Variants in COL14A1 observed in about 807,000 individuals in gnomAD.
COL14A1 encodes the protein collagen alpha-1(XIV) chain.
Under a neutral mutation model 230.3 loss-of-function variants are expected in COL14A1, and 136 were observed. The observed-to-expected ratio is 0.59, with a 90% CI of 0.51 to 0.68. The LOEUF is 0.68. Among genes scored for constraint, COL14A1 ranks in the 30% least tolerant of loss-of-function variants. The pLI, the probability that COL14A1 is intolerant of heterozygous loss-of-function variation, is 0.00. For synonymous variants in COL14A1, 792 were observed against 784.1 expected (o/e 1.01, Z -0.17); for missense variants, 1,976 against 2,215.8 (o/e 0.89, Z 2.17).
rs1247947725 is a variant in COL14A1, at chr8:120,193,304, A to T, written c.437-3487A>T. On this transcript the variant is annotated intron_variant, in intron 5 of 47. Coordinates refer to ENST00000297848, the MANE Select transcript of COL14A1 (RefSeq NM_021110.4). ...CTGCAGGTCTGTTGGAGTTTGCTAG[A>T]GGTCCACTCCAGACCCTGTTTGCCT... Among the ~76,000 whole-genome samples the T allele has an allele frequency of 2.6e-5, 4 of 152,180 alleles. No individual in the cohort carries two copies. In the East Asian group the frequency reaches 5.8e-4, roughly 22 times the overall value.
chr8:120,233,692 C>T (rs898569196), intron 19 of COL14A1, among the ~76,000 whole-genome samples: 1 of 152,104 alleles, frequency 6.6e-6, no homozygotes, highest in African/African-American at 2.4e-5. Context: ...TGTTTTGGTA[C>T]CAATACCAAG....
intron 1 of COL14A1, among the ~76,000 whole-genome samples, chr8:120,133,230 T>TAAAAAAAAAAAAAAAAAA (rs201816439): frequency 8.7e-6 from 1 of 115,124 alleles, no homozygotes. Context: ...AAAAAAAAAA[T>TAAAAAAAAAAAAAAAAAA]AAAAAAAAAA....
Position 120,373,168 on chromosome 8 carries a change from A to G in COL14A1, c.*1937A>G, listed in dbSNP as rs539980566. Among the ~76,000 whole-genome samples the G allele has an allele frequency of 1.6e-3, 241 of 152,312 alleles. 1 individual carries two copies. Among genetic ancestry groups the G allele is most frequent in the African/African-American group, 5.6e-3 (233 of 41,572 alleles). ...TTGGCCCTTGGAAACAAAGTTAAAT[A>G]CCATGTCACTCAGAAGACTCTCAAA... On this transcript the variant is annotated 3_prime_UTR_variant, in exon 48 of 48. Transcript: ENST00000297848.
chr8:120,358,688 T>G (rs962739766), intron 45 of COL14A1, among the ~76,000 whole-genome samples: 4 of 151,974 alleles, frequency 2.6e-5, no homozygotes, highest in Admixed American at 2.6e-4. Flanking sequence ...AACTCCTTTT[T>G]TAAAAATGTA....
intron 4 of COL14A1, 26 bp downstream of exon 4, chr8:120,162,595 C>T (rs1815719293): frequency 1.3e-6 from 2 of 1,580,172 alleles, no homozygotes; most frequent in Non-Finnish European, 1.7e-6. Context: ...TCTCAAAGCA[C>T]CTCCGCAGGA....
At chr8:120,360,543 C>T (rs1440669263) in intron 45 of COL14A1, among the ~76,000 whole-genome samples, 2 of 152,188 alleles carry the variant, frequency 1.3e-5, no homozygotes, top group Non-Finnish European at 2.9e-5. Flanking sequence ...TGCCACCGTG[C>T]CCATCTGTCA....
chr8:120,171,186 A>T (rs1816082777), intron 5 of COL14A1, among the ~76,000 whole-genome samples: 1 of 152,166 alleles, frequency 6.6e-6, no homozygotes, highest in South Asian at 2.1e-4. Flanking sequence ...TTTCCCTATA[A>T]TACAGAATAT....
rs767221571 is a variant in COL14A1 at position 120,280,912 on chromosome 8, T to A, written c.3686-9T>A. On this transcript the variant is annotated splice_polypyrimidine_tract_variant and intron_variant, in intron 30 of 47. Coordinates refer to ENST00000297848, the MANE Select transcript of COL14A1 (RefSeq NM_021110.4). ...GTTTATTCTTTTTCTACTTTTTTTT[T>A]TTTTTTAGGATTTAAGATGATGGAA... 1 of 1,564,020 alleles carries A rather than the reference T, an allele frequency of 6.4e-7. No individual in the cohort carries two copies. The highest frequency in any genetic ancestry group is 1.4e-5 in the African/African-American group (1 of 71,922).
chr8:120,370,885 G>C (rs1292481950), intron 47 of COL14A1: 23 of 1,264,274 alleles, frequency 1.8e-5, no homozygotes, highest in African/African-American at 3.1e-5. Context: ...GAGTTTTCAG[G>C]GTTTCTTCTG....
At chr8:120,357,204 A>G (rs552400756) in intron 45 of COL14A1, among the ~76,000 whole-genome samples, 12 of 152,282 alleles carry the variant, frequency 7.9e-5, no homozygotes, top group Non-Finnish European at 1.6e-4. Flanking sequence ...AGTTGCAGTC[A>G]ATATGTCATT....
chr8:120,164,541 T>A (rs1390389598), intron 4 of COL14A1, among the ~76,000 whole-genome samples: 1 of 152,176 alleles, frequency 6.6e-6, no homozygotes, highest in Non-Finnish European at 1.5e-5. Context: ...AACCCAATAT[T>A]TTGTGAATAT....
At chr8:120,233,210 T>C (rs1461304756) in intron 19 of COL14A1, among the ~76,000 whole-genome samples, 1 of 152,152 alleles carries the variant, frequency 6.6e-6, no homozygotes, top group African/African-American at 2.4e-5. Flanking sequence ...TCTCCCATTC[T>C]GTAGGTTGCC....
chr8:120,332,781 C>T (rs534090658), intron 42 of COL14A1, 46 bp downstream of exon 42: 52 of 1,474,330 alleles, frequency 3.5e-5, no homozygotes, highest in Non-Finnish European at 4.4e-5. Context: ...CCAGTCATCA[C>T]GTTTATTTAT....
intron 8 of COL14A1, among the ~76,000 whole-genome samples, chr8:120,201,088 C>A (rs1817234237): frequency 6.6e-6 from 1 of 151,636 alleles, no homozygotes; most frequent in Admixed American, 6.6e-5. Flanking sequence ...TAAAAATATT[C>A]TTGAAAGATA....
chr8:120,331,759 A>G (rs900146181), intron 40 of COL14A1, among the ~76,000 whole-genome samples: 1 of 152,246 alleles, frequency 6.6e-6, no homozygotes, highest in Non-Finnish European at 1.5e-5. Context: ...CCTCTGATAG[A>G]GATTCCCTGC....
Position 120,226,585 on chromosome 8 carries a change from C to A in COL14A1, c.1865-42C>A, listed in dbSNP as rs1364374941. On this transcript the variant is annotated intron_variant, in intron 15 of 47. Coordinates refer to ENST00000297848, the MANE Select transcript of COL14A1 (RefSeq NM_021110.4). ...AGATACTTGGGTTTTGGCTTTCTTG[C>A]CTTCTCATTTCCCTAACAAAACCTC... is the stretch of plus-strand genomic sequence containing the variant. 6 of 1,606,858 alleles carry A rather than the reference C, an allele frequency of 3.7e-6. No homozygotes were observed. In the African/African-American group the frequency reaches 8.0e-5, roughly 21 times the overall value.
chr8:120,276,727 C>T (rs532425177), intron 26 of COL14A1, among the ~76,000 whole-genome samples: 4 of 151,642 alleles, frequency 2.6e-5, no homozygotes, highest in Non-Finnish European at 5.9e-5. Flanking sequence ...GGAGATATAC[C>T]TAATGTAAAT....
intron 5 of COL14A1, among the ~76,000 whole-genome samples, chr8:120,177,981 AGGACTTATT>A (rs1360698536): frequency 1.3e-5 from 2 of 152,142 alleles, no homozygotes; most frequent in Non-Finnish European, 2.9e-5. Flanking sequence ...TAAGAAGAAA[AGGACTTATT>A]GAACCCATTT....
chr8:120,362,160 G>A (rs1335950578), intron 45 of COL14A1, among the ~76,000 whole-genome samples: 1 of 152,194 alleles, frequency 6.6e-6, no homozygotes, highest in Admixed American at 6.5e-5. Context: ...CAGTGGTTGA[G>A]CACAGAGGCT....
Sources: gnomAD v4.1 joint callset for allele counts (sites outside exome capture counted in the v4.1 genomes callset) on GRCh38, gnomAD v4.1.1 for gene constraint, MANE v1.5 for transcripts, NCBI Gene and HGNC (gene_info 2026-07-23, HGNC 2026-07-21) for gene names.